The following TAMM41 variants were observed in gnomAD, a reference collection of about 807,000 sequenced individuals.
The protein encoded by TAMM41 is TAM41 mitochondrial translocator assembly and maintenance homolog, also known as phosphatidate cytidylyltransferase, mitochondrial.
Under a neutral mutation model 44.1 loss-of-function variants are expected in TAMM41, and 36 were observed. The ratio of observed to expected loss-of-function variants is 0.82; its 90% CI spans 0.63 to 1.08. TAMM41 has a LOEUF of 1.08. Among genes scored for constraint, TAMM41 ranks in the 50% least tolerant of loss-of-function variants. TAMM41 has a pLI of 0.00. For synonymous variants in TAMM41, 164 were observed against 153.1 expected, an observed-to-expected ratio of 1.07 and a Z score of -0.53; for missense variants, 417 against 404.3, an observed-to-expected ratio of 1.03 and a Z score of -0.27.
At chr3:11,801,873 C>A in intron 7 of TAMM41, among the ~76,000 whole-genome samples, 1 of 150,670 alleles carries the variant, frequency 6.6e-6, no homozygotes, top group Non-Finnish European at 1.5e-5. Flanking sequence ...TAACAAAGAT[C>A]AGAGCAGAAC....
the TAMM41 span, among the ~76,000 whole-genome samples, chr3:11,762,719 A>C: frequency 2.0e-5 from 3 of 152,074 alleles, no homozygotes; most frequent in Admixed American, 2.0e-4. Flanking sequence ...ATGGCCAAAG[A>C]ACTCTCTCTC....
At chr3:11,773,726 C>G in the TAMM41 span, among the ~76,000 whole-genome samples, 1 of 152,134 alleles carries the variant, frequency 6.6e-6, no homozygotes, top group African/African-American at 2.4e-5. Flanking sequence ...TGTTTCTTGC[C>G]CAACCTAGAT....
At chr3:11,761,729 C>T in the TAMM41 span, among the ~76,000 whole-genome samples, 3 of 151,696 alleles carry the variant, frequency 2.0e-5, no homozygotes, top group East Asian at 3.9e-4. Context: ...GGTGGATCAC[C>T]CGAGGTCAGG....
chr3:11,795,034 A>G lies in TAMM41; in HGVS notation c.938-4453T>C, dbSNP rs559550940. Among the ~76,000 whole-genome samples, 10 of 152,322 alleles carry G rather than the reference A, an allele frequency of 6.6e-5. No homozygotes were observed. The East Asian group carries it at 1.7e-3, about 26-fold the overall frequency. On this transcript the variant is annotated intron_variant, in intron 7 of 7. Transcript: ENST00000455809. ...TTCTAATTTAAATATATAGATACCAACAAATGGAAGAAATGCTTCAGTTTT... is the reference window on the plus strand; with the variant it reads ...TTCTAATTTAAATATATAGATACCAGCAAATGGAAGAAATGCTTCAGTTTT...
intron 7 of TAMM41, 144 bp from the exon 8 acceptor site, chr3:11,790,725 G>A: frequency 1.5e-6 from 1 of 670,790 alleles, no homozygotes; most frequent in Non-Finnish European, 2.6e-6. Context: ...GGGAGCTGAA[G>A]GTGATTAAAG....
chr3:11,743,121 G>C, the TAMM41 span, among the ~76,000 whole-genome samples: 1 of 152,146 alleles, frequency 6.6e-6, no homozygotes, highest in African/African-American at 2.4e-5. Flanking sequence ...GATGAGAGCA[G>C]AGGCCACCAA....
chr3:11,778,908 T>A, the TAMM41 span, among the ~76,000 whole-genome samples: 1 of 152,228 alleles, frequency 6.6e-6, no homozygotes, highest in Non-Finnish European at 1.5e-5. Context: ...TCCCATTCTT[T>A]AGGTTAGCCT....
intron 4 of TAMM41, among the ~76,000 whole-genome samples, chr3:11,825,122 A>G (rs1575676568): frequency 6.6e-6 from 1 of 152,192 alleles, no homozygotes; most frequent in East Asian, 1.9e-4. Flanking sequence ...TTCAAATGCT[A>G]GCTCGGCATT....
intron 7 of TAMM41, chr3:11,807,235 A>G: frequency 7.0e-7 from 1 of 1,433,092 alleles, no homozygotes; most frequent in South Asian, 1.6e-5. Context: ...TCACCATACC[A>G]TCAAACTGAA....
chr3:11,827,366 C>A (rs2078798539), intron 4 of TAMM41, among the ~76,000 whole-genome samples: 1 of 150,024 alleles, frequency 6.7e-6, no homozygotes, highest in South Asian at 2.1e-4. Context: ...CTGGAGTGCA[C>A]TGGCATGATC....
chr3:11,818,186 T>C (rs920615195), intron 4 of TAMM41, among the ~76,000 whole-genome samples: 18 of 151,992 alleles, frequency 1.2e-4, no homozygotes, highest in African/African-American at 4.1e-4. Context: ...AGGGAGCAAA[T>C]TGTCAGGGGG....
At chr3:11,800,612 G>C (rs1380435944) in intron 7 of TAMM41, among the ~76,000 whole-genome samples, 1 of 148,726 alleles carries the variant, frequency 6.7e-6, no homozygotes, top group Non-Finnish European at 1.5e-5. Flanking sequence ...CACCAAAAGG[G>C]TACAGCAAAT....
chr3:11,771,590 T>C, the TAMM41 span, among the ~76,000 whole-genome samples: 1 of 152,140 alleles, frequency 6.6e-6, no homozygotes, highest in African/African-American at 2.4e-5. Flanking sequence ...AGATGGATTA[T>C]TTATTTTTGA....
At chr3:11,815,400 C>G (rs1341997681) in intron 5 of TAMM41, among the ~76,000 whole-genome samples, 1 of 152,054 alleles carries the variant, frequency 6.6e-6, no homozygotes, top group Non-Finnish European at 1.5e-5. Context: ...AGAAAATACC[C>G]AATAAATCTG....
intron 7 of TAMM41, among the ~76,000 whole-genome samples, chr3:11,801,643 CAAAT>C (rs2077757456): frequency 6.6e-6 from 1 of 151,822 alleles, no homozygotes. Flanking sequence ...TTTTTGGAAA[CAAAT>C]AAAAATGAAA....
At chr3:11,798,468 G>A in intron 7 of TAMM41, among the ~76,000 whole-genome samples, 1 of 152,114 alleles carries the variant, frequency 6.6e-6, no homozygotes, top group Middle Eastern at 3.2e-3. Flanking sequence ...AGGACACATA[G>A]AAGGGAACAA....
At chr3:11,754,106 G>A in the TAMM41 span, among the ~76,000 whole-genome samples, 1 of 152,086 alleles carries the variant, frequency 6.6e-6, no homozygotes, top group African/African-American at 2.4e-5. Context: ...ACTTTCACGT[G>A]GTAACCGAGA....
intron 6 of TAMM41, 123 bp from the exon 7 acceptor site, chr3:11,808,018 C>T: frequency 1.4e-6 from 2 of 1,428,430 alleles, no homozygotes; most frequent in East Asian, 5.0e-5. Flanking sequence ...CCAAATCTAT[C>T]TCTGTCCTGC....
the TAMM41 span, among the ~76,000 whole-genome samples, chr3:11,776,864 C>T: frequency 1.3e-5 from 2 of 152,274 alleles, no homozygotes; most frequent in South Asian, 4.2e-4. Context: ...ATGGATGAAA[C>T]ATTGGAGACA....
Sources: allele counts gnomAD v4.1 joint callset (sites outside exome capture counted in the v4.1 genomes callset), GRCh38; gene constraint gnomAD v4.1.1; transcripts MANE v1.5; gene names NCBI Gene and HGNC (gene_info 2026-07-23, HGNC 2026-07-21).